DNMT3A: variants seen among roughly 807,000 people sequenced by gnomAD.
DNMT3A encodes DNA methyltransferase 3 alpha.
Under a neutral mutation model 117.6 loss-of-function variants are expected in DNMT3A, and 267 were observed. The observed-to-expected ratio is 2.27, with a 90% CI of 2.05 to 2.51. The LOEUF is 2.51. Among genes scored for constraint, DNMT3A ranks in the 30% most tolerant of loss-of-function variants. DNMT3A has a pLI of 0.00. For missense variants in DNMT3A, 1,029 were observed against 1,260.2 expected (o/e 0.82, Z 2.78); for synonymous variants, 432 against 474.8 (o/e 0.91, Z 1.17).
At chr2:25,332,502 G>C (rs2035052248) in intron 1 of DNMT3A, among the ~76,000 whole-genome samples, 1 of 152,218 alleles carries the variant, frequency 6.6e-6, no homozygotes, top group South Asian at 2.1e-4. Context: ...CTTCATCTAT[G>C]CAGCCTGTGT....
At position 25,240,588 on chromosome 2, in the gene DNMT3A, C is replaced by T. The variant is rs1042484101; in HGVS notation, c.2173+52G>A. 5 of 1,609,176 alleles carry T rather than the reference C, an allele frequency of 3.1e-6. No homozygotes were observed. The African/African-American group carries it at 6.7e-5, about 22-fold the overall frequency. On this transcript the variant is annotated intron_variant, in intron 18 of 22. Transcript: ENST00000321117. ...GGGCAGAAATATCCAAGGAGGAAGCCTATGTGCGGAAGCACCAGCTGAGAA... is the reference window on the plus strand; with the variant it reads ...GGGCAGAAATATCCAAGGAGGAAGCTTATGTGCGGAAGCACCAGCTGAGAA...
intron 1 of DNMT3A, among the ~76,000 whole-genome samples, chr2:25,336,091 G>A (rs1386055190): frequency 2.0e-5 from 3 of 152,230 alleles, no homozygotes; most frequent in East Asian, 1.9e-4. Context: ...CCTGTGATGT[G>A]ATCAGCAAGG....
At position 25,246,010 on chromosome 2, in the gene DNMT3A, A is replaced by G; in HGVS notation, c.1474+10T>C. The stretch of plus-strand genomic sequence containing the variant: ...CTAGGAGTGCCAGAGTTCCCAGGCA[A>G]CAAACTTACCCTCAATGTTCCGGCA... On this transcript the variant is annotated intron_variant, in intron 12 of 22. Transcript: ENST00000321117. 6.2e-7 allele frequency: 1 copy of G among 1,613,890 alleles called. No individual in the cohort carries two copies. The highest frequency in any genetic ancestry group is 1.7e-5 in the Admixed American group (1 of 60,026).
rs554967838 is a variant in DNMT3A at position 25,294,255 on chromosome 2, C to A, written c.177+5884G>T. 5.3e-5 allele frequency among the ~76,000 whole-genome samples: 8 copies of A among 152,336 alleles called. No homozygotes were observed. Among genetic ancestry groups the A allele is most frequent in the African/African-American group, 1.7e-4 (7 of 41,572 alleles). On this transcript the variant is annotated intron_variant, in intron 3 of 22. Coordinates refer to ENST00000321117, the MANE Select transcript of DNMT3A (RefSeq NM_022552.5). The surrounding 1 kb of genome is among the most constrained non-coding windows in gnomAD (Gnocchi z 4.7). ...ACTTAAGTCCCCACCATGGGCTAGG[C>A]CCTTCCATGCAGCACTCCAGTAGCG...
chr2:25,297,998 G>A (rs1011967548), intron 3 of DNMT3A, among the ~76,000 whole-genome samples: 3 of 152,252 alleles, frequency 2.0e-5, no homozygotes, highest in African/African-American at 7.2e-5. Flanking sequence ...GGTTGCCGTG[G>A]CCTCCTGAAG....
Position 25,232,879 on chromosome 2 carries a change from A to G in DNMT3A, c.*1400T>C. The stretch of plus-strand genomic sequence containing the variant: ...CTTTGGAGATGACCAAAAACATCAC[A>G]TTCCAGGGGCCGGGAGCCGCCTTGT... On this transcript the variant is annotated 3_prime_UTR_variant, in exon 23 of 23. Transcript: ENST00000321117. This position sits in a 1 kb window ranked among gnomAD's most constrained non-coding sequence, Gnocchi z 4.1. 1 of 228,560 alleles carries G rather than the reference A, an allele frequency of 4.4e-6. No individual in the cohort carries two copies. Among genetic ancestry groups the G allele is most frequent in the Non-Finnish European group, 8.7e-6 (1 of 115,208 alleles). 14.2% of individuals were successfully genotyped at this position (228,560 alleles called of 1,614,324 possible).
intron 1 of DNMT3A, among the ~76,000 whole-genome samples, chr2:25,329,673 CCACACA>C (rs55905204): frequency 0.087 from 12,004 of 138,408 alleles, 583 homozygotes; most frequent in Non-Finnish European, 0.12. Flanking sequence ...CATGCAGACC[CCACACA>C]CACACACACA....
chr2:25,258,962 A>G (rs1322792524), intron 6 of DNMT3A, among the ~76,000 whole-genome samples: 2 of 152,176 alleles, frequency 1.3e-5, no homozygotes, highest in Non-Finnish European at 2.9e-5. Context: ...GGGGAGCCCA[A>G]CTGCTGGAAA....
chr2:25,329,183 G>C (rs1357356960), intron 1 of DNMT3A, among the ~76,000 whole-genome samples: 1 of 152,152 alleles, frequency 6.6e-6, no homozygotes, highest in African/African-American at 2.4e-5. Flanking sequence ...CCGAGGGAGG[G>C]AGAAGAGCCC....
rs541125895 is a variant in DNMT3A at position 25,247,797 on chromosome 2, T to C, written c.856-48A>G. 3.8e-6 allele frequency: 6 copies of C among 1,596,982 alleles called. No individual in the cohort carries two copies. The South Asian group carries it at 5.5e-5, about 15-fold the overall frequency. On this transcript the variant is annotated intron_variant, in intron 7 of 22. Transcript: ENST00000321117. The surrounding 1 kb of genome is among the most constrained non-coding windows in gnomAD (Gnocchi z 5.6). ...TCATTACACAGTGGTCACGAGGCCC[T>C]GCCACCCTGATCCCCCCATGGCAAC...
In DNMT3A at chr2:25,337,205, T is replaced by C. The variant is rs1303705948; in HGVS notation, c.-178+4621A>G. Among the ~76,000 whole-genome samples, 5 of 152,158 alleles carry C rather than the reference T, an allele frequency of 3.3e-5. No homozygotes were observed. Among genetic ancestry groups the C allele is most frequent in the Admixed American group, 6.5e-5 (1 of 15,282 alleles). On this transcript the variant is annotated intron_variant, in intron 1 of 22. Transcript: ENST00000321117. This position sits in a 1 kb window ranked among gnomAD's most constrained non-coding sequence, Gnocchi z 5.0. ...CACGAGATTTGTTCAACTCAACAGA[T>C]TGCTAAGTGTCGCTGAGAAGCCTCC... is the stretch of plus-strand genomic sequence containing the variant.
chr2:25,266,972 C>T (rs894098683), intron 6 of DNMT3A, among the ~76,000 whole-genome samples: 22 of 152,116 alleles, frequency 1.4e-4, no homozygotes, highest in Admixed American at 1.2e-3. Context: ...GGATGTTCAC[C>T]GCTGCAATGC....
At chr2:25,335,311 T>G (rs1452452416) in intron 1 of DNMT3A, among the ~76,000 whole-genome samples, 1 of 152,234 alleles carries the variant, frequency 6.6e-6, no homozygotes, top group Non-Finnish European at 1.5e-5. Context: ...TCCAGAAGCC[T>G]CTTTCCAAAC....
intron 2 of DNMT3A, among the ~76,000 whole-genome samples, chr2:25,300,729 ATAT>A (rs1474262788): frequency 0.017 from 522 of 29,962 alleles, 19 homozygotes; most frequent in Non-Finnish European, 0.027. Flanking sequence ...ATATATATAT[ATAT>A]ATATATATAT....
Position 25,249,713 on chromosome 2 carries a change from G to A in DNMT3A, c.640-1461C>T, listed in dbSNP as rs1228468608. 5 of 1,613,992 alleles carry A rather than the reference G, an allele frequency of 3.1e-6. No individual in the cohort carries two copies. The highest frequency in any genetic ancestry group is 4.2e-6 in the Non-Finnish European group (5 of 1,180,000). ...ACGCGCCCATTCCTTCTCACAACCC[G>A]CTCCAGGATCCCTACAAAGGAGAAT... is the stretch of plus-strand genomic sequence containing the variant. On this transcript the variant is annotated intron_variant, in intron 6 of 22. Coordinates refer to ENST00000321117, the MANE Select transcript of DNMT3A (RefSeq NM_022552.5).
At position 25,281,725 on chromosome 2, in the gene DNMT3A, G is replaced by A. The variant is rs997387301; in HGVS notation, c.448+716C>T. 2 of 1,065,878 alleles carry A rather than the reference G, an allele frequency of 1.9e-6. No individual in the cohort carries two copies. Among genetic ancestry groups the A allele is most frequent in the African/African-American group, 1.6e-5 (1 of 61,102 alleles). 66.0% of individuals were successfully genotyped at this position (1,065,878 alleles called of 1,614,324 possible). On this transcript the variant is annotated intron_variant, in intron 4 of 22. Coordinates refer to ENST00000321117, the MANE Select transcript of DNMT3A (RefSeq NM_022552.5). This position sits in a 1 kb window ranked among gnomAD's most constrained non-coding sequence, Gnocchi z 4.8. Reference sequence around the variant, plus strand: ...TCATTACTAACATGTTTACAGCTCGGTTGGCCCTGAAATTGCTGGCTTAAC... The same window carrying A: ...TCATTACTAACATGTTTACAGCTCGATTGGCCCTGAAATTGCTGGCTTAAC...
At chr2:25,316,876 G>A (rs1396243201) in intron 1 of DNMT3A, among the ~76,000 whole-genome samples, 1 of 34,634 alleles carries the variant, frequency 2.9e-5, no homozygotes, top group South Asian at 7.0e-4. Context: ...CATGAATAAT[G>A]TTTGTTAACA....
rs1280952540 is a variant in DNMT3A, at chr2:25,311,643, G to A, written c.72+2270C>T. On this transcript the variant is annotated intron_variant, in intron 2 of 22. Transcript: ENST00000321117. This position sits in a 1 kb window ranked among gnomAD's most constrained non-coding sequence, Gnocchi z 5.2. ...CCGCTTGAGCCAGAGCAGTTACTATGGGTAGATAATAATAGCAATCGTAAT... is the reference window on the plus strand; with the variant it reads ...CCGCTTGAGCCAGAGCAGTTACTATAGGTAGATAATAATAGCAATCGTAAT... Among the ~76,000 whole-genome samples, 1 of 152,170 alleles carries A rather than the reference G, an allele frequency of 6.6e-6. No homozygotes were observed. The highest frequency in any genetic ancestry group is 1.5e-5 in the Non-Finnish European group (1 of 68,034).
At chr2:25,275,136 C>A in intron 5 of DNMT3A, 49 bp from the exon 6 acceptor site, 1 of 1,510,048 alleles carries the variant, frequency 6.6e-7, no homozygotes, top group Non-Finnish European at 8.9e-7. Context: ...CACTGACGGA[C>A]CCACCAAGGA....
Sources: allele counts gnomAD v4.1 joint callset (sites outside exome capture counted in the v4.1 genomes callset), GRCh38; gene constraint gnomAD v4.1.1; non-coding constraint Gnocchi (gnomAD v3.1); transcripts MANE v1.5; gene names NCBI Gene and HGNC (gene_info 2026-07-23, HGNC 2026-07-21).